The following DAAM2 variants were observed in gnomAD, a reference collection of about 807,000 sequenced individuals.
DAAM2 encodes the protein disheveled-associated activator of morphogenesis 2.
DAAM2 carries 39 observed loss-of-function variants against 120.7 expected under a neutral mutation model. The observed-to-expected ratio is 0.32, with a 90% CI of 0.25 to 0.42. The LOEUF is 0.42. DAAM2 is among the 10% of genes least tolerant of loss of function. The pLI, the probability that DAAM2 is intolerant of heterozygous loss-of-function variation, is 1.00. For synonymous variants in DAAM2, 488 were observed against 524.9 expected (o/e 0.93, Z 0.96); for missense variants, 1,283 against 1,401.7 (o/e 0.92, Z 1.35).
intron 17 of DAAM2, among the ~76,000 whole-genome samples, chr6:39,890,990 A>T (rs1765674441): frequency 6.6e-6 from 1 of 151,798 alleles, no homozygotes; most frequent in African/African-American, 2.4e-5. Context: ...GCTACTCAGG[A>T]CCTGAGGTGG....
intron 1 of DAAM2, chr6:39,818,754 G>T (rs927627028): frequency 6.6e-6 from 1 of 152,160 alleles, no homozygotes; most frequent in Non-Finnish European, 1.5e-5. Context: ...CCTCCTTTTA[G>T]TATAAATTCT....
At position 39,879,301 on chromosome 6, in the gene DAAM2, C is replaced by G. The variant is rs1188584024; in HGVS notation, c.1669C>G (p.Pro557Ala). The change falls in exon 14 of 25, where the codon CCA becomes GCA. Residue 557 changes from proline to alanine, a missense_variant. By Grantham distance (27) the Pro-to-Ala change is conservative. Coordinates refer to ENST00000274867, the MANE Select transcript of DAAM2 (RefSeq NM_001201427.2). ...LPFACCPPPP[P>A]PPLPPGGPPT... ...CTTTGCCTGTTGTCCCCCTCCCCCA[C>G]CACCACCCCTTCCTCCCGGGGGACC... The G allele has an allele frequency of 6.6e-7, 1 of 1,506,940 alleles. No individual in the cohort carries two copies. The highest frequency in any genetic ancestry group is 1.4e-5 in the African/African-American group (1 of 72,820). The allele number at this position is 1,506,940 out of a possible 1,614,324, so 93.3% of individuals were successfully genotyped here.
rs530387095 is a variant in DAAM2, at chr6:39,897,114, C to T, written c.2511-61C>T. ...TTCTCTTAACACTCCATCCTCTGAC[C>T]CTCTGACCCTCGTGCCCAGTTTCCT... On this transcript the variant is annotated intron_variant, in intron 20 of 24. Transcript: ENST00000274867. 1.2e-4 allele frequency: 179 copies of T among 1,524,848 alleles called. 1 individual carries two copies. In the Admixed American group the frequency reaches 2.7e-3, roughly 23 times the overall value. 94.5% of individuals were successfully genotyped at this position (1,524,848 alleles called of 1,614,324 possible).
At chr6:39,881,348 T>C (rs1451132368) in intron 14 of DAAM2, among the ~76,000 whole-genome samples, 2 of 152,230 alleles carry the variant, frequency 1.3e-5, no homozygotes, top group Non-Finnish European at 2.9e-5. Context: ...AAGCTTTTAA[T>C]TGTGTGACGG....
intron 1 of DAAM2, among the ~76,000 whole-genome samples, chr6:39,826,059 C>G (rs1762661682): frequency 6.6e-6 from 1 of 152,156 alleles, no homozygotes; most frequent in South Asian, 2.1e-4. Context: ...TGAACCTGGC[C>G]TCCTTCCCCA....
rs1368338346 is a variant in DAAM2, at chr6:39,897,203, A to G, written c.2539A>G (p.Met847Val). 3.7e-6 allele frequency: 6 copies of G among 1,613,498 alleles called. No homozygotes were observed. The highest frequency in any genetic ancestry group is 5.1e-6 in the Non-Finnish European group (6 of 1,179,602). Residue 847 changes from methionine to valine, a missense_variant, in exon 21 of 25, where the codon ATG becomes GTG. This residue lies in a region of DAAM2 where 748 missense variants were observed against 768.6 expected (regional missense o/e 0.97). Transcript: ENST00000274867. ...CATCTCTCTGCTCCATTACCTGATC[A>G]TGATCCTGGAGAAGCATTTTCCTGA... ...RNISLLHYLI[M>V]ILEKHFPDIL...
At chr6:39,857,626 T>C (rs1764059371) in intron 2 of DAAM2, among the ~76,000 whole-genome samples, 1 of 152,210 alleles carries the variant, frequency 6.6e-6, no homozygotes, top group Admixed American at 6.5e-5. Flanking sequence ...AAGAAGGACA[T>C]GATAGGCAGT....
chr6:39,887,778 C>T (rs1240227476), intron 16 of DAAM2, 186 bp downstream of exon 16: 4 of 548,706 alleles, frequency 7.3e-6, no homozygotes, highest in Non-Finnish European at 9.9e-6. Context: ...AGGAAACTGC[C>T]CAGTCACGAG....
In DAAM2 at chr6:39,900,196, G is replaced by A. The variant is rs770289445; in HGVS notation, c.2799G>A (p.Glu933=). The change falls in exon 23 of 25, where the codon GAG becomes GAA. Residue 933 remains glutamate, a synonymous_variant. Coordinates refer to ENST00000274867, the MANE Select transcript of DAAM2 (RefSeq NM_001201427.2). ...SFSELEDQLN[E]ARDKFAKALM... is the part of the protein sequence containing the mutation. Reference sequence around the variant, plus strand: ...CCGAGCTGGAGGACCAGCTAAATGAGGCCAGGGACAAGGTAAGGGTGCCCC... The same window carrying A: ...CCGAGCTGGAGGACCAGCTAAATGAAGCCAGGGACAAGGTAAGGGTGCCCC... 2 of 1,610,146 alleles carry A rather than the reference G, an allele frequency of 1.2e-6. No homozygotes were observed. The highest frequency in any genetic ancestry group is 3.4e-5 in the Admixed American group (2 of 59,684).
intron 17 of DAAM2, among the ~76,000 whole-genome samples, chr6:39,890,245 G>C (rs1056964457): frequency 2.0e-4 from 30 of 152,206 alleles, no homozygotes; most frequent in Admixed American, 5.9e-4. Context: ...GGTTGGTCTT[G>C]CTGTCTCAGG....
chr6:39,895,227 C>CTTACTTATTTATTTATTTAT (rs375299409), intron 19 of DAAM2, among the ~76,000 whole-genome samples: 6 of 137,650 alleles, frequency 4.4e-5, no homozygotes, highest in African/African-American at 1.5e-4. Flanking sequence ...ACTTTATTTA[C>CTTACTTATTTATTTATTTAT]TTATTTATTT....
intron 21 of DAAM2, among the ~76,000 whole-genome samples, chr6:39,898,489 T>A (rs1158052908): frequency 6.6e-6 from 1 of 152,130 alleles, no homozygotes; most frequent in Non-Finnish European, 1.5e-5. Flanking sequence ...ACTAGAAACA[T>A]AGTGGTAAAT....
intron 1 of DAAM2, among the ~76,000 whole-genome samples, chr6:39,831,795 T>G (rs902711287): frequency 7.7e-5 from 1 of 13,054 alleles, no homozygotes; most frequent in Non-Finnish European, 1.3e-4. Context: ...GCAGGTGCAC[T>G]GGGGGGGGGC....
At chr6:39,866,886 A>G (rs1486810990) in intron 5 of DAAM2, among the ~76,000 whole-genome samples, 1 of 152,226 alleles carries the variant, frequency 6.6e-6, no homozygotes, top group East Asian at 1.9e-4. Flanking sequence ...CATTGAGGAA[A>G]ATACTAAATT....
rs1297114197 is a variant in DAAM2 at position 39,901,718 on chromosome 6, G to A, written c.2983-95G>A. ...GCCAACAGATACAGGCAGGCAGCAT[G>A]ACCATGGCCTAGGAGTTAGCCCAGG... On this transcript the variant is annotated intron_variant, in intron 24 of 24. Coordinates refer to ENST00000274867, the MANE Select transcript of DAAM2 (RefSeq NM_001201427.2). This position sits in a 1 kb window ranked among gnomAD's most constrained non-coding sequence, Gnocchi z 4.5. 3 of 1,211,826 alleles carry A rather than the reference G, an allele frequency of 2.5e-6. No individual in the cohort carries two copies. The African/African-American group carries it at 4.6e-5, about 18-fold the overall frequency. The allele number at this position is 1,211,826 out of a possible 1,614,324, so 75.1% of individuals were successfully genotyped here.
At chr6:39,868,567 T>C in intron 6 of DAAM2, 1 of 497,674 alleles carries the variant, frequency 2.0e-6, no homozygotes, top group South Asian at 2.7e-5. Flanking sequence ...GAAGCACTGC[T>C]CAACCATGTA....
At position 39,864,153 on chromosome 6, in the gene DAAM2, A is replaced by G. The variant is rs577222276; in HGVS notation, c.259-280A>G. Reference sequence around the variant, plus strand: ...ACAAGCTGAGCAAACAGAACAAGAGAAAAGAATTTTTAAAAAATGGTGCAC... The same window carrying G: ...ACAAGCTGAGCAAACAGAACAAGAGGAAAGAATTTTTAAAAAATGGTGCAC... On this transcript the variant is annotated intron_variant, in intron 3 of 24. Transcript: ENST00000274867. 3.3e-5 allele frequency among the ~76,000 whole-genome samples: 5 copies of G among 152,040 alleles called. No individual in the cohort carries two copies. The South Asian group carries it at 1.0e-3, about 32-fold the overall frequency.
At chr6:39,897,115 C>T in intron 20 of DAAM2, 60 bp from the exon 21 acceptor site, 2 of 1,530,912 alleles carry the variant, frequency 1.3e-6, no homozygotes, top group Non-Finnish European at 1.8e-6. Flanking sequence ...TCCTCTGACC[C>T]TCTGACCCTC....
At chr6:39,879,106 A>G (rs1409207121) in intron 13 of DAAM2, 72 bp from the exon 14 acceptor site, 5 of 947,554 alleles carry the variant, frequency 5.3e-6, no homozygotes, top group Middle Eastern at 4.4e-4. Flanking sequence ...GAAGGAGAGG[A>G]ATCATGGTGG....
Sources: gnomAD v4.1 joint callset for allele counts (sites outside exome capture counted in the v4.1 genomes callset) on GRCh38, gnomAD v4.1.1 for gene constraint, gnomAD v4.1.1 regional missense constraint, Gnocchi (gnomAD v3.1) non-coding constraint, MANE v1.5 for transcripts, NCBI Gene and HGNC (gene_info 2026-07-23, HGNC 2026-07-21) for gene names.